Variants in AOPEP observed in about 807,000 individuals in gnomAD.
AOPEP encodes aminopeptidase O.
AOPEP carries 77 observed loss-of-function variants against 98.1 expected under a neutral mutation model. The observed-to-expected ratio is 0.78, with a 90% CI of 0.65 to 0.95. The LOEUF (loss-of-function observed/expected upper bound fraction) is 0.95. Among genes scored for constraint, AOPEP ranks in the 40% least tolerant of loss-of-function variants. The pLI, the probability that AOPEP is intolerant of heterozygous loss-of-function variation, is 0.00. For synonymous variants in AOPEP, 346 were observed against 365.3 expected, an observed-to-expected ratio of 0.95 and a Z score of 0.60; for missense variants, 1,024 against 1,024.7, an observed-to-expected ratio of 1.00 and a Z score of 0.01.
At chr9:94,831,875 G>A (rs552856291) in intron 5 of AOPEP, among the ~76,000 whole-genome samples, 2 of 152,162 alleles carry the variant, frequency 1.3e-5, no homozygotes, top group African/African-American at 4.8e-5. Flanking sequence ...AATCAGAGAG[G>A]ACACAAACAA....
chr9:94,865,415 C>A (rs770453433), intron 5 of AOPEP, among the ~76,000 whole-genome samples: 2 of 152,164 alleles, frequency 1.3e-5, no homozygotes, highest in Non-Finnish European at 2.9e-5. Flanking sequence ...TTAATAACCA[C>A]TCTTCACTTC....
intron 5 of AOPEP, among the ~76,000 whole-genome samples, chr9:94,806,191 A>G (rs1420619125): frequency 1.3e-5 from 2 of 152,112 alleles, no homozygotes; most frequent in Non-Finnish European, 2.9e-5. Flanking sequence ...TGAATTCACC[A>G]TGGCTGCCAA....
chr9:95,125,856 G>A, the AOPEP span, among the ~76,000 whole-genome samples: 2 of 152,144 alleles, frequency 1.3e-5, no homozygotes, highest in African/African-American at 4.8e-5. Context: ...GAGGGGCTGG[G>A]ACACTCCCAG....
intron 14 of AOPEP, among the ~76,000 whole-genome samples, chr9:95,080,353 C>G (rs774854284): frequency 2.6e-5 from 4 of 152,168 alleles, no homozygotes; most frequent in Non-Finnish European, 5.9e-5. Flanking sequence ...TAGTGAAACC[C>G]CGTCTCTACA....
chr9:94,991,960 CATA>C (rs149852763), intron 11 of AOPEP, among the ~76,000 whole-genome samples: 4,310 of 152,322 alleles, frequency 0.028, 95 homozygotes, highest in Non-Finnish European at 0.042. Flanking sequence ...AACTAAATTA[CATA>C]ATACCAGGCC....
intron 5 of AOPEP, among the ~76,000 whole-genome samples, chr9:94,913,141 ACATGCAAAGAATG>A (rs1361476315): frequency 2.0e-5 from 3 of 152,236 alleles, no homozygotes; most frequent in Non-Finnish European, 4.4e-5. Flanking sequence ...CACGGTGAAC[ACATGCAAAGAATG>A]ATGAGTCAAG....
intron 4 of AOPEP, among the ~76,000 whole-genome samples, chr9:94,798,890 C>T (rs549572305): frequency 4.6e-5 from 7 of 152,284 alleles, no homozygotes; most frequent in African/African-American, 1.7e-4. Flanking sequence ...AAATGTTCAC[C>T]AACAGGCACC....
chr9:94,817,469 C>G (rs563840646), intron 5 of AOPEP, among the ~76,000 whole-genome samples: 1 of 152,196 alleles, frequency 6.6e-6, no homozygotes, highest in African/African-American at 2.4e-5. Context: ...CATGGCCATG[C>G]CTGAGAGACA....
chr9:94,971,361 A>G (rs537925960), intron 10 of AOPEP, among the ~76,000 whole-genome samples: 10 of 152,304 alleles, frequency 6.6e-5, no homozygotes, highest in African/African-American at 2.4e-4. Flanking sequence ...TTTACAATGA[A>G]TCGATTTCAG....
At chr9:95,083,105 C>T (rs763616811) in intron 16 of AOPEP, 33 of 193,022 alleles carry the variant, frequency 1.7e-4, no homozygotes, top group Admixed American at 7.4e-4. Flanking sequence ...TTCAGGGTCA[C>T]GGCTGATACA....
At chr9:94,996,356 G>T (rs1370254831) in intron 11 of AOPEP, among the ~76,000 whole-genome samples, 1 of 112,422 alleles carries the variant, frequency 8.9e-6, no homozygotes, top group Non-Finnish European at 1.9e-5. Flanking sequence ...GCCTCTGTGT[G>T]TGTGTGTGTG....
At chr9:94,811,538 CCCACCA>C (rs1345467968) in intron 5 of AOPEP, among the ~76,000 whole-genome samples, 3 of 152,212 alleles carry the variant, frequency 2.0e-5, no homozygotes, top group Non-Finnish European at 4.4e-5. Context: ...ACAGCTGCCC[CCCACCA>C]CCACTTTGGC....
At chr9:94,773,835 G>A (rs1369078827) in intron 3 of AOPEP, among the ~76,000 whole-genome samples, 4 of 152,182 alleles carry the variant, frequency 2.6e-5, no homozygotes, top group South Asian at 2.1e-4. Flanking sequence ...GCTTGATAAC[G>A]GCTCACCGTG....
intron 3 of AOPEP, among the ~76,000 whole-genome samples, chr9:94,789,892 T>TTTG (rs35102751): frequency 6.7e-6 from 1 of 150,126 alleles, no homozygotes; most frequent in African/African-American, 2.5e-5. Context: ...TTTTTTTTTT[T>TTTG]AGACGGAGTC....
chr9:94,786,542 TG>T (rs1399154106), intron 3 of AOPEP, among the ~76,000 whole-genome samples: 4 of 152,240 alleles, frequency 2.6e-5, no homozygotes, highest in African/African-American at 9.6e-5. Context: ...TTGCAATTTT[TG>T]TAGGCTGATT....
intron 3 of AOPEP, among the ~76,000 whole-genome samples, chr9:94,776,739 C>A (rs1013573443): frequency 2.0e-5 from 3 of 152,176 alleles, no homozygotes; most frequent in African/African-American, 7.2e-5. Flanking sequence ...CCATATTCTC[C>A]AGTTTTACTT....
At chr9:94,810,121 G>C (rs1850181426) in intron 5 of AOPEP, 1 of 155,488 alleles carries the variant, frequency 6.4e-6, no homozygotes, top group South Asian at 2.0e-4. Flanking sequence ...AAAGCTCCCT[G>C]GTGAGGCTTC....
intron 14 of AOPEP, among the ~76,000 whole-genome samples, chr9:95,063,476 C>T (rs956005224): frequency 6.6e-6 from 1 of 152,018 alleles, no homozygotes; most frequent in African/African-American, 2.4e-5. Flanking sequence ...TAGATCTCCG[C>T]AGACTCCACT....
Position 94,817,158 on chromosome 9 carries a change from T to C in AOPEP, c.1364+16156T>C, listed in dbSNP as rs756708493. On this transcript the variant is annotated intron_variant, in intron 5 of 16. Transcript: ENST00000375315. ...CTGGGACTATAGGCGTGCACCACCA[T>C]GCCTGGCTAATTTTCTGTGTGTTTT... is the stretch of plus-strand genomic sequence containing the variant. Among the ~76,000 whole-genome samples the C allele has an allele frequency of 3.3e-5, 5 of 152,084 alleles. No individual in the cohort carries two copies. In the South Asian group the frequency reaches 6.2e-4, roughly 19 times the overall value.
Sources: allele counts gnomAD v4.1 joint callset (sites outside exome capture counted in the v4.1 genomes callset), GRCh38; gene constraint gnomAD v4.1.1; transcripts MANE v1.5; gene names NCBI Gene and HGNC (gene_info 2026-07-23, HGNC 2026-07-21).